TENM4: variants seen among roughly 807,000 people sequenced by gnomAD.
TENM4 encodes the protein teneurin-4.
TENM4 carries 82 observed loss-of-function variants against 243.3 expected under a neutral mutation model. That is an observed-to-expected ratio of 0.34 (90% confidence interval 0.28 to 0.40). The LOEUF is 0.40. TENM4 is among the 10% of genes least tolerant of loss of function. The probability of loss-of-function intolerance (pLI) is 1.00; values close to 1 mark genes in which losing one functional copy is unlikely to be tolerated. For synonymous variants in TENM4, 1,412 were observed against 1,456.3 expected (o/e 0.97, Z 0.69); for missense variants, 3,138 against 3,673.3 (o/e 0.85, Z 3.77).
chr11:79,336,177 T>A (rs1008561121), intron 1 of TENM4, among the ~76,000 whole-genome samples: 2 of 152,208 alleles, frequency 1.3e-5, no homozygotes, highest in Non-Finnish European at 2.9e-5. Flanking sequence ...CCCTCCAAGA[T>A]GGAAGAGTGT....
At chr11:79,237,672 G>A (rs935943658) in intron 2 of TENM4, among the ~76,000 whole-genome samples, 8 of 152,130 alleles carry the variant, frequency 5.3e-5, no homozygotes, top group Middle Eastern at 3.2e-3. Flanking sequence ...GCGAGACTCC[G>A]TCTCAAAAAA....
intron 1 of TENM4, among the ~76,000 whole-genome samples, chr11:79,412,363 C>T (rs1017254076): frequency 2.6e-5 from 4 of 152,196 alleles, no homozygotes; most frequent in East Asian, 1.9e-4. Flanking sequence ...ACAGCCTTAG[C>T]GACAGCCCTC....
chr11:78,832,972 T>A (rs772859390), intron 12 of TENM4, among the ~76,000 whole-genome samples: 4 of 152,244 alleles, frequency 2.6e-5, no homozygotes, highest in Non-Finnish European at 5.9e-5. Flanking sequence ...TTGGGTCGAA[T>A]GCTGGGTGTG....
intron 1 of TENM4, among the ~76,000 whole-genome samples, chr11:79,312,669 T>C (rs762749106): frequency 3.9e-5 from 6 of 152,136 alleles, no homozygotes; most frequent in Non-Finnish European, 5.9e-5. Context: ...ATAGCCTCAG[T>C]GCCTAGCAAA....
chr11:78,695,211 G>C (rs558568323), intron 28 of TENM4, among the ~76,000 whole-genome samples: 2 of 151,916 alleles, frequency 1.3e-5, no homozygotes, highest in African/African-American at 4.8e-5. Flanking sequence ...ACTACATCCA[G>C]CTAATTAAAT....
chr11:79,289,780 A>G (rs1190478290), intron 2 of TENM4, among the ~76,000 whole-genome samples: 1 of 152,180 alleles, frequency 6.6e-6, no homozygotes, highest in Non-Finnish European at 1.5e-5. Flanking sequence ...ATAGCTTGTC[A>G]TCTATGTTTA....
intron 15 of TENM4, among the ~76,000 whole-genome samples, chr11:78,798,626 T>C (rs1349753314): frequency 2.0e-5 from 3 of 152,176 alleles, no homozygotes; most frequent in Non-Finnish European, 4.4e-5. Flanking sequence ...TGCCTACCTC[T>C]GGCCTTCTTT....
chr11:78,660,781 C>T lies in TENM4; in HGVS notation c.7551+668G>A, dbSNP rs374088036. Among the ~76,000 whole-genome samples, 14 of 152,172 alleles carry T rather than the reference C, an allele frequency of 9.2e-5. No homozygotes were observed. In the South Asian group the frequency reaches 1.0e-3, roughly 11 times the overall value. ...ATTGGGGTAGTAGGGAGGGGAGAAG[C>T]GAGCAAATGAATGCATGAAGTGAGT... is the stretch of plus-strand genomic sequence containing the variant. On this transcript the variant is annotated intron_variant, in intron 33 of 33. Coordinates refer to ENST00000278550, the MANE Select transcript of TENM4 (RefSeq NM_001098816.3).
At chr11:79,191,686 G>GTC (rs1590781888) in intron 3 of TENM4, 1 of 188,688 alleles carries the variant, frequency 5.3e-6, no homozygotes, top group Non-Finnish European at 1.1e-5. Flanking sequence ...AGTGAGGAGC[G>GTC]TCTCTGCCCG....
At chr11:79,123,759 A>C (rs530826181) in intron 4 of TENM4, among the ~76,000 whole-genome samples, 1 of 152,144 alleles carries the variant, frequency 6.6e-6, no homozygotes, top group Non-Finnish European at 1.5e-5. Context: ...CCTTCAGGCC[A>C]TTCTCTAGGA....
chr11:78,750,250 A>G (rs1426387744), intron 19 of TENM4, among the ~76,000 whole-genome samples: 1 of 152,226 alleles, frequency 6.6e-6, no homozygotes, highest in African/African-American at 2.4e-5. Context: ...TTCTTTTTAC[A>G]GTGATGCACT....
At chr11:78,801,814 A>C (rs113372348) in intron 15 of TENM4, among the ~76,000 whole-genome samples, 65 of 152,276 alleles carry the variant, frequency 4.3e-4, no homozygotes, top group African/African-American at 1.5e-3. Context: ...GATGGGAGGG[A>C]CTGGGCAGTG....
intron 1 of TENM4, among the ~76,000 whole-genome samples, chr11:79,324,391 A>G (rs1397800909): frequency 6.7e-6 from 1 of 149,530 alleles, no homozygotes; most frequent in East Asian, 2.0e-4. Flanking sequence ...CCAGCTAATT[A>G]AAAAAAAAAT....
At chr11:79,002,637 C>A (rs558280648) in intron 6 of TENM4, among the ~76,000 whole-genome samples, 78 of 152,046 alleles carry the variant, frequency 5.1e-4, no homozygotes, top group African/African-American at 1.1e-3. Context: ...AAGATAAAAT[C>A]AAAAAAACCC....
chr11:79,168,534 A>G (rs1353637086), intron 3 of TENM4, among the ~76,000 whole-genome samples: 4 of 152,150 alleles, frequency 2.6e-5, no homozygotes, highest in African/African-American at 9.7e-5. Flanking sequence ...AGAGAAAGCT[A>G]GACACATAGA....
Position 78,850,061 on chromosome 11 carries a change from C to CTCTGTGTG in TENM4, c.1681+4042_1681+4043insCACACAGA, listed in dbSNP as rs1555089896. On this transcript the variant is annotated intron_variant, in intron 12 of 33. Coordinates refer to ENST00000278550, the MANE Select transcript of TENM4 (RefSeq NM_001098816.3). Reference sequence around the variant, plus strand: ...CTAAAACTTGCTTGGTTTCAGTGCTCTGTGTGTGTGTGTGTGTGTGTGTGT... The same window carrying CTCTGTGTG: ...CTAAAACTTGCTTGGTTTCAGTGCTCTCTGTGTGTGTGTGTGTGTGTGTGTGTGTGTGT... 1.6e-3 allele frequency among the ~76,000 whole-genome samples: 246 copies of CTCTGTGTG among 149,896 alleles called. 2 individuals are homozygous for CTCTGTGTG. The highest frequency in any genetic ancestry group is 0.01 in the Middle Eastern group (3 of 294).
Position 79,139,821 on chromosome 11 carries a change from T to G in TENM4, c.-66+8889A>C, listed in dbSNP as rs949678421. On this transcript the variant is annotated intron_variant, in intron 4 of 33. Transcript: ENST00000278550. ...TAAATATATAATATATATTTTATAT[T>G]TATATATAATACATAGATTATGTAA... Among the ~76,000 whole-genome samples the G allele has an allele frequency of 5.8e-4, 73 of 125,782 alleles. 3 individuals carry two copies. Among genetic ancestry groups the G allele is most frequent in the African/African-American group, 2.2e-3 (72 of 32,314 alleles). 82.5% of individuals were successfully genotyped at this position (125,782 alleles called of 152,430 possible). A position where few individuals can be genotyped will look rare whatever the true frequency, so the allele number is the denominator to read the frequency against.
chr11:79,241,983 C>A (rs1313627548), intron 2 of TENM4, among the ~76,000 whole-genome samples: 1 of 152,130 alleles, frequency 6.6e-6, no homozygotes, highest in African/African-American at 2.4e-5. Flanking sequence ...CTTTGGCAGC[C>A]CAGCCATAAG....
intron 6 of TENM4, among the ~76,000 whole-genome samples, chr11:78,914,366 A>G (rs1475148587): frequency 1.3e-5 from 2 of 152,176 alleles, no homozygotes; most frequent in Non-Finnish European, 2.9e-5. Flanking sequence ...GAAGGAGTAA[A>G]TCTACTCCAT....
Sources: gnomAD v4.1 joint callset for allele counts (sites outside exome capture counted in the v4.1 genomes callset) on GRCh38, gnomAD v4.1.1 for gene constraint, MANE v1.5 for transcripts, NCBI Gene and HGNC (gene_info 2026-07-23, HGNC 2026-07-21) for gene names.